KCNN2: variants seen among roughly 807,000 people sequenced by gnomAD.
The protein encoded by KCNN2 is small conductance calcium-activated potassium channel protein 2.
KCNN2 carries 24 observed loss-of-function variants against 55.5 expected under a neutral mutation model. That is an observed-to-expected ratio of 0.43 (90% confidence interval 0.31 to 0.61). The LOEUF (loss-of-function observed/expected upper bound fraction) is 0.61, where lower values mean the gene tolerates loss of function less well. Among genes scored for constraint, KCNN2 ranks in the 20% least tolerant of loss-of-function variants. KCNN2 has a pLI of 0.08. For missense variants in KCNN2, 754 were observed against 853.6 expected (o/e 0.88, Z 1.45); for synonymous variants, 431 against 336.1 (o/e 1.28, Z -3.09).
intron 1 of KCNN2, among the ~76,000 whole-genome samples, chr5:114,363,645 C>G (rs184800129): frequency 1.2e-4 from 19 of 152,292 alleles, no homozygotes; most frequent in Admixed American, 9.8e-4. Context: ...GGAACAGCGG[C>G]GCTCGCTTCG....
At chr5:114,248,222 A>G (rs576365523) in intron 2 of KCNN2, among the ~76,000 whole-genome samples, 2 of 152,304 alleles carry the variant, frequency 1.3e-5, no homozygotes, top group African/African-American at 4.8e-5. Context: ...TCAAATACGC[A>G]TTATTTCAGC....
intron 2 of KCNN2, among the ~76,000 whole-genome samples, chr5:114,288,499 T>TATATACAC: frequency 7.2e-6 from 1 of 139,616 alleles, no homozygotes; most frequent in Non-Finnish European, 1.5e-5. Flanking sequence ...TATATATATA[T>TATATACAC]ACACACACAC....
intron 2 of KCNN2, among the ~76,000 whole-genome samples, chr5:114,319,727 A>C (rs189323562): frequency 6.6e-6 from 1 of 152,366 alleles, no homozygotes; most frequent in Non-Finnish European, 1.5e-5. Flanking sequence ...AAACACTGTA[A>C]GATATAATGC....
chr5:114,056,844 C>T (rs532367470), intron 1 of KCNN2, among the ~76,000 whole-genome samples: 1 of 152,272 alleles, frequency 6.6e-6, no homozygotes, highest in South Asian at 2.1e-4. Context: ...TGCCATCCCT[C>T]TTTGGAACTT....
intron 1 of KCNN2, among the ~76,000 whole-genome samples, chr5:114,142,288 C>G (rs1195718124): frequency 6.6e-6 from 1 of 151,954 alleles, no homozygotes; most frequent in Non-Finnish European, 1.5e-5. Flanking sequence ...GTCTTTAATC[C>G]ATCTTGAATT....
At chr5:114,383,723 C>T (rs893586190) in intron 2 of KCNN2, among the ~76,000 whole-genome samples, 1 of 152,116 alleles carries the variant, frequency 6.6e-6, no homozygotes, top group African/African-American at 2.4e-5. Flanking sequence ...CCACCTCAGC[C>T]TCCCAAAGTG....
chr5:114,236,541 C>T (rs892053599), intron 2 of KCNN2, among the ~76,000 whole-genome samples: 4 of 152,190 alleles, frequency 2.6e-5, no homozygotes, highest in South Asian at 2.1e-4. Flanking sequence ...CTCTTCAGAT[C>T]ATATAAATCT....
chr5:114,362,738 A>T lies in KCNN2; in HGVS notation c.599A>T (p.Gln200Leu), dbSNP rs1269406414. ...HPAHHQHHQP[Q>L]ARRESNPFTE... ...GCGCACCACCAGCACCACCAGCCCCAGGCGCGCCGCGAGAGCAACCCCTTC... is the reference window on the plus strand; with the variant it reads ...GCGCACCACCAGCACCACCAGCCCCTGGCGCGCCGCGAGAGCAACCCCTTC... Residue 200 changes from glutamine (Q) to leucine (L), a missense_variant, in exon 1 of 8, where the codon CAG becomes CTG. By Grantham distance (113) the Gln-to-Leu change is moderately radical. This residue lies in a region of KCNN2 where 381 missense variants were observed against 259.1 expected (regional missense o/e 1.47). Coordinates refer to ENST00000673685, the MANE Select transcript of KCNN2 (RefSeq NM_021614.4). 1 of 1,537,256 alleles carries T rather than the reference A, an allele frequency of 6.5e-7. No individual in the cohort carries two copies. Among genetic ancestry groups the T allele is most frequent in the Non-Finnish European group, 8.7e-7 (1 of 1,149,190 alleles).
Position 114,483,680 on chromosome 5 carries a change from T to C in KCNN2, c.1891-3370T>C, listed in dbSNP as rs141761131. Among the ~76,000 whole-genome samples the C allele has an allele frequency of 2.2e-3, 339 of 151,668 alleles. 2 individuals carry two copies. The highest frequency in any genetic ancestry group is 8.1e-3 in the African/African-American group (334 of 41,392). ...ACAGACTTTGATTACGGTTGATTACTAGTGAGGCAGAGCAAATGTTCTTAT... is the reference window on the plus strand; with the variant it reads ...ACAGACTTTGATTACGGTTGATTACCAGTGAGGCAGAGCAAATGTTCTTAT... On this transcript the variant is annotated intron_variant, in intron 5 of 7. Transcript: ENST00000673685.
At chr5:114,256,344 G>A (rs548335702) in intron 2 of KCNN2, among the ~76,000 whole-genome samples, 1 of 152,246 alleles carries the variant, frequency 6.6e-6, no homozygotes, top group South Asian at 2.1e-4. Context: ...CAACATATGA[G>A]TGCAAGTATA....
chr5:114,164,560 C>G (rs1359695938), intron 1 of KCNN2, among the ~76,000 whole-genome samples: 1 of 151,938 alleles, frequency 6.6e-6, no homozygotes, highest in Non-Finnish European at 1.5e-5. Context: ...TGGAAATTTA[C>G]CAAATTCAAG....
intron 1 of KCNN2, among the ~76,000 whole-genome samples, chr5:114,190,442 G>C (rs1377375591): frequency 1.3e-5 from 2 of 152,034 alleles, no homozygotes; most frequent in African/African-American, 4.8e-5. Context: ...CCAAAATAAT[G>C]AGTTAAAGAA....
At chr5:114,206,386 A>G (rs2112577271) in intron 1 of KCNN2, among the ~76,000 whole-genome samples, 1 of 152,112 alleles carries the variant, frequency 6.6e-6, no homozygotes, top group East Asian at 1.9e-4. Context: ...TAAATTCCAC[A>G]TATCCCAAAT....
At chr5:114,131,960 C>G (rs1227442570) in intron 1 of KCNN2, among the ~76,000 whole-genome samples, 4 of 152,132 alleles carry the variant, frequency 2.6e-5, no homozygotes, top group Admixed American at 2.6e-4. Flanking sequence ...CCTTTGCCCA[C>G]TTTTTAATGG....
chr5:114,343,696 T>G (rs1757057751), intron 2 of KCNN2, among the ~76,000 whole-genome samples: 1 of 148,882 alleles, frequency 6.7e-6, no homozygotes. Flanking sequence ...ATGCATGGTG[T>G]GGGGGGAACA....
chr5:114,477,202 G>C (rs970155281), intron 5 of KCNN2, among the ~76,000 whole-genome samples: 1 of 152,042 alleles, frequency 6.6e-6, no homozygotes, highest in Non-Finnish European at 1.5e-5. Flanking sequence ...TCTGAAATCT[G>C]AATATGACTC....
intron 1 of KCNN2, among the ~76,000 whole-genome samples, chr5:114,182,824 T>C (rs917803233): frequency 9.9e-5 from 15 of 152,162 alleles, no homozygotes; most frequent in Admixed American, 3.9e-4. Context: ...GTGATAGTTT[T>C]ACTTCTTTAT....
At chr5:114,478,873 T>A (rs1480950869) in intron 5 of KCNN2, among the ~76,000 whole-genome samples, 1 of 152,138 alleles carries the variant, frequency 6.6e-6, no homozygotes, top group African/African-American at 2.4e-5. Context: ...CCACCAGGCC[T>A]GCCTTTCAAG....
chr5:114,357,319 T>C (rs2150042346), upstream of KCNN2, among the ~76,000 whole-genome samples: 1 of 151,438 alleles, frequency 6.6e-6, no homozygotes, highest in East Asian at 1.9e-4. Flanking sequence ...TTAATTATAC[T>C]TTAACTTTTA....
Sources: allele counts gnomAD v4.1 joint callset (sites outside exome capture counted in the v4.1 genomes callset), GRCh38; gene constraint gnomAD v4.1.1; regional missense constraint gnomAD v4.1.1; transcripts MANE v1.5; gene names NCBI Gene and HGNC (gene_info 2026-07-23, HGNC 2026-07-21).